ATP8B4: variants seen among roughly 807,000 people sequenced by gnomAD.
ATP8B4 encodes ATPase phospholipid transporting 8B4 (putative), also known as probable phospholipid-transporting ATPase IM.
ATP8B4 carries 133 observed loss-of-function variants against 145.6 expected under a neutral mutation model. The ratio of observed to expected loss-of-function variants is 0.91; its 90% CI spans 0.79 to 1.05. ATP8B4 has a LOEUF of 1.05. ATP8B4 is among the 50% of genes least tolerant of loss of function. ATP8B4 has a pLI of 0.00. For synonymous variants in ATP8B4, 507 were observed against 492.9 expected (o/e 1.03, Z -0.38); for missense variants, 1,458 against 1,425.2 (o/e 1.02, Z -0.37).
chr15:49,985,290 G>C (rs1170326783), intron 10 of ATP8B4, among the ~76,000 whole-genome samples: 1 of 151,992 alleles, frequency 6.6e-6, no homozygotes, highest in Non-Finnish European at 1.5e-5. Flanking sequence ...TAGAGATGGG[G>C]TTTCACCATG....
chr15:49,931,036 T>C lies in ATP8B4; in HGVS notation c.1642+83A>G, dbSNP rs562888475. On this transcript the variant is annotated intron_variant, in intron 16 of 27. Coordinates refer to ENST00000284509, the MANE Select transcript of ATP8B4 (RefSeq NM_024837.4). ...CAAAACTATCACAACCCTCAGCACA[T>C]AGCCAAAAGTGAAATTAATCCTTGA... 22 of 1,430,468 alleles carry C rather than the reference T, an allele frequency of 1.5e-5. No individual in the cohort carries two copies. In the African/African-American group the frequency reaches 2.0e-4, roughly 13 times the overall value. 88.6% of individuals were successfully genotyped at this position (1,430,468 alleles called of 1,614,324 possible).
At chr15:49,862,065 A>G (rs1307466644) in intron 27 of ATP8B4, among the ~76,000 whole-genome samples, 180 bp downstream of exon 27, 2 of 152,262 alleles carry the variant, frequency 1.3e-5, no homozygotes, top group Non-Finnish European at 2.9e-5. Flanking sequence ...CATGGCACTA[A>G]GGACTAGTAC....
chr15:49,975,741 T>C (rs960563972), intron 12 of ATP8B4, among the ~76,000 whole-genome samples: 1 of 152,160 alleles, frequency 6.6e-6, no homozygotes, highest in Non-Finnish European at 1.5e-5. Flanking sequence ...TACTGAAAGT[T>C]TTACAGATTA....
upstream of ATP8B4, among the ~76,000 whole-genome samples, chr15:50,120,807 T>C (rs79883597): frequency 2.0e-5 from 3 of 152,056 alleles, no homozygotes; most frequent in East Asian, 3.9e-4. Flanking sequence ...CAAAAGAGGG[T>C]AGAATTGGAG....
intron 6 of ATP8B4, among the ~76,000 whole-genome samples, chr15:50,035,328 T>C (rs542836830): frequency 1.5e-4 from 23 of 152,320 alleles, no homozygotes; most frequent in Admixed American, 2.6e-4. Context: ...AATTAACATA[T>C]AGGTAAACTA....
intron 14 of ATP8B4, among the ~76,000 whole-genome samples, chr15:49,948,281 CAA>C (rs35575312): frequency 2.2e-4 from 25 of 112,250 alleles, no homozygotes; most frequent in African/African-American, 4.6e-4. Flanking sequence ...ACTAAAAATA[CAA>C]AAAAAAAAAA....
In ATP8B4 at chr15:50,044,860, T is replaced by A. The variant is rs144814521; in HGVS notation, c.202-168A>T. Among the ~76,000 whole-genome samples, 332 of 152,260 alleles carry A rather than the reference T, an allele frequency of 2.2e-3. 3 individuals carry two copies. Among genetic ancestry groups the A allele is most frequent in the Admixed American group, 0.014 (215 of 15,296 alleles). ...GTATTTGGTTATAAGACACATAGAG[T>A]AGAATTATTATTGAACTTGTTTTCA... On this transcript the variant is annotated intron_variant, in intron 4 of 27. Coordinates refer to ENST00000284509, the MANE Select transcript of ATP8B4 (RefSeq NM_024837.4).
chr15:50,013,205 G>C (rs148558829), intron 6 of ATP8B4, among the ~76,000 whole-genome samples: 1,963 of 152,108 alleles, frequency 0.013, 21 homozygotes, highest in Non-Finnish European at 0.019. Context: ...TGGTGATTGG[G>C]TTTTGTCACC....
At position 49,879,372 on chromosome 15, in the gene ATP8B4, A is replaced by G. The variant is rs1243476094; in HGVS notation, c.2781+4T>C. 6 of 1,605,602 alleles carry G rather than the reference A, an allele frequency of 3.7e-6. No homozygotes were observed. The highest frequency in any genetic ancestry group is 3.3e-5 in the South Asian group (3 of 89,714). On this transcript the variant is annotated splice_donor_region_variant and intron_variant, in intron 24 of 27. Coordinates refer to ENST00000284509, the MANE Select transcript of ATP8B4 (RefSeq NM_024837.4). ...TAAGTTATAAAGATGGAAAAAAAACATACCTGGTCAAAAATCCCCATGGCT... is the reference window on the plus strand; with the variant it reads ...TAAGTTATAAAGATGGAAAAAAAACGTACCTGGTCAAAAATCCCCATGGCT...
rs1449840070 is a variant in ATP8B4 at position 49,864,512 on chromosome 15, T to C, written c.3166+1834A>G. Among the ~76,000 whole-genome samples, 4 of 152,228 alleles carry C rather than the reference T, an allele frequency of 2.6e-5. No homozygotes were observed. In the South Asian group the frequency reaches 8.3e-4, roughly 32 times the overall value. On this transcript the variant is annotated intron_variant, in intron 26 of 27. Transcript: ENST00000284509. ...GCTTATTTCACACACACTAGAGATTTCAAAACCTCTGAGAAAGTATATTAA... is the reference window on the plus strand; with the variant it reads ...GCTTATTTCACACACACTAGAGATTCCAAAACCTCTGAGAAAGTATATTAA...
In ATP8B4 at chr15:49,972,642, C is replaced by T. The variant is rs138799625; in HGVS notation, c.1183G>A (p.Gly395Ser). 11,356 of 1,613,762 alleles carry T rather than the reference C, an allele frequency of 7.0e-3. 57 individuals are homozygous for T. The highest frequency in any genetic ancestry group is 8.6e-3 in the Non-Finnish European group (10,125 of 1,179,930). The change falls in exon 13 of 28, where the codon GGT becomes AGT. Residue 395 changes from glycine to serine, a missense_variant. Transcript: ENST00000284509. Reference sequence around the variant, plus strand: ...GTCATGATGTTTTGAGTGAGGGTACCCGTTTTGTCGGAGAAAATGTACTCA... The same window carrying T: ...GTCATGATGTTTTGAGTGAGGGTACTCGTTTTGTCGGAGAAAATGTACTCA... ...QIEYIFSDKT[G>S]TLTQNIMTFK... is the part of the protein sequence containing the mutation.
Position 49,862,456 on chromosome 15 carries a change from G to A in ATP8B4, c.3167-81C>T, listed in dbSNP as rs1028794166. On this transcript the variant is annotated intron_variant, in intron 26 of 27. Transcript: ENST00000284509. Reference sequence around the variant, plus strand: ...ATTAATAGGTTCTTTGTTCCTACAAGATCTTTTTTTTTTTTGAGATGGAGT... The same window carrying A: ...ATTAATAGGTTCTTTGTTCCTACAAAATCTTTTTTTTTTTTGAGATGGAGT... 3.2e-5 allele frequency: 47 copies of A among 1,451,550 alleles called. 1 individual carries two copies. The Middle Eastern group carries it at 5.9e-4, about 18-fold the overall frequency. 89.9% of individuals were successfully genotyped at this position (1,451,550 alleles called of 1,614,324 possible). A position where few individuals can be genotyped will look rare whatever the true frequency, so the allele number is the denominator to read the frequency against.
At chr15:50,012,551 T>C (rs1302283642) in intron 6 of ATP8B4, among the ~76,000 whole-genome samples, 2 of 152,102 alleles carry the variant, frequency 1.3e-5, no homozygotes, top group Non-Finnish European at 2.9e-5. Context: ...CAATGGACAA[T>C]TGGACACACT....
At chr15:50,004,554 T>C (rs1307896797) in intron 7 of ATP8B4, among the ~76,000 whole-genome samples, 1 of 152,210 alleles carries the variant, frequency 6.6e-6, no homozygotes, top group Non-Finnish European at 1.5e-5. Flanking sequence ...TGTAGGTGTT[T>C]ATGATTCCAA....
At chr15:50,106,108 A>G (rs1042594660) in intron 2 of ATP8B4, among the ~76,000 whole-genome samples, 1 of 152,230 alleles carries the variant, frequency 6.6e-6, no homozygotes, top group African/African-American at 2.4e-5. Flanking sequence ...GAAGTGCATC[A>G]TGATATAATT....
chr15:49,885,836 C>T (rs2036121967), intron 23 of ATP8B4: 1 of 152,346 alleles, frequency 6.6e-6, no homozygotes, highest in African/African-American at 2.4e-5. Flanking sequence ...CCTGCCCAAG[C>T]TATTCTTCAC....
At chr15:49,915,095 T>C (rs2039603089) in intron 20 of ATP8B4, among the ~76,000 whole-genome samples, 1 of 152,072 alleles carries the variant, frequency 6.6e-6, no homozygotes, top group East Asian at 1.9e-4. Context: ...AAAGAAAATG[T>C]GGTGTATACA....
chr15:50,142,263 G>A (rs1414019425), intron 1 of ATP8B4, among the ~76,000 whole-genome samples: 1 of 152,072 alleles, frequency 6.6e-6, no homozygotes, highest in East Asian at 1.9e-4. Flanking sequence ...ATGTTCACTT[G>A]TTTTTATGTT....
intron 1 of ATP8B4, among the ~76,000 whole-genome samples, chr15:50,129,765 T>C (rs2057332254): frequency 6.6e-6 from 1 of 151,860 alleles, no homozygotes; most frequent in South Asian, 2.1e-4. Flanking sequence ...CTTGGCAACA[T>C]GGTGAAACCC....
Sources: allele counts gnomAD v4.1 joint callset (sites outside exome capture counted in the v4.1 genomes callset), GRCh38; gene constraint gnomAD v4.1.1; transcripts MANE v1.5; gene names NCBI Gene and HGNC (gene_info 2026-07-23, HGNC 2026-07-21).